RNLS: variants seen among roughly 807,000 people sequenced by gnomAD.
The protein encoded by RNLS is renalase, FAD dependent amine oxidase, also known as renalase.
In RNLS, 39 loss-of-function variants were observed where a neutral mutation model predicts 39.8. The ratio of observed to expected loss-of-function variants is 0.98; its 90% CI spans 0.76 to 1.28. The LOEUF (loss-of-function observed/expected upper bound fraction) is 1.28, where lower values mean the gene tolerates loss of function less well. RNLS is among the 50% of genes most tolerant of loss of function. RNLS has a pLI of 0.00. For missense variants in RNLS, 410 were observed against 413.3 expected (o/e 0.99, Z 0.07); for synonymous variants, 147 against 150.7 (o/e 0.98, Z 0.18).
At chr10:88,512,515 T>G (rs1043643592) in intron 4 of RNLS, among the ~76,000 whole-genome samples, 9 of 152,112 alleles carry the variant, frequency 5.9e-5, no homozygotes, top group African/African-American at 9.7e-5. Flanking sequence ...AAACTTGTCG[T>G]TTTTTTATGC....
chr10:88,309,296 A>G (rs1589515522), intron 6 of RNLS: 1 of 812,778 alleles, frequency 1.2e-6, no homozygotes. Flanking sequence ...TAAGGAAAAG[A>G]AAAAGAAAAT....
intron 5 of RNLS, among the ~76,000 whole-genome samples, chr10:88,348,433 G>T (rs181205841): frequency 7.6e-4 from 115 of 152,168 alleles, no homozygotes; most frequent in Non-Finnish European, 1.4e-3. Context: ...ACACATTTAG[G>T]CCTATCCACA....
intron 5 of RNLS, among the ~76,000 whole-genome samples, chr10:88,318,764 G>T (rs553720461): frequency 1.3e-5 from 2 of 152,322 alleles, no homozygotes; most frequent in East Asian, 3.9e-4. Context: ...TTTATGAACT[G>T]AAGGCTGGGA....
chr10:88,292,909 G>A (rs1843772602), intron 6 of RNLS, among the ~76,000 whole-genome samples: 1 of 151,976 alleles, frequency 6.6e-6, no homozygotes, highest in Admixed American at 6.6e-5. Context: ...AAATTAGCTG[G>A]GCGTGGTGGC....
In RNLS at chr10:88,349,757, G is replaced by A. The variant is rs906076673; in HGVS notation, c.700+12795C>T. ...GTATATAAGTACATATATACATTGT[G>A]TATATATATATATTTTTCTTCCTGA... is the stretch of plus-strand genomic sequence containing the variant. On this transcript the variant is annotated intron_variant, in intron 5 of 6. Coordinates refer to ENST00000331772, the MANE Select transcript of RNLS (RefSeq NM_001031709.3). 1.0e-3 allele frequency among the ~76,000 whole-genome samples: 156 copies of A among 151,016 alleles called. 2 individuals are homozygous for A. The highest frequency in any genetic ancestry group is 3.3e-3 in the African/African-American group (136 of 41,218).
chr10:88,334,870 T>A (rs1474274597), intron 5 of RNLS, among the ~76,000 whole-genome samples: 1 of 152,118 alleles, frequency 6.6e-6, no homozygotes, highest in Non-Finnish European at 1.5e-5. Flanking sequence ...TCCTCTGTAG[T>A]TCAAGTTCAT....
the RNLS span, among the ~76,000 whole-genome samples, chr10:88,213,509 GC>G: frequency 3.3e-5 from 5 of 152,034 alleles, no homozygotes; most frequent in African/African-American, 1.2e-4. Flanking sequence ...GTGGTCCCGT[GC>G]TTTTTCTGAT....
At chr10:88,563,252 A>T (rs1849291055) in intron 4 of RNLS, among the ~76,000 whole-genome samples, 2 of 152,202 alleles carry the variant, frequency 1.3e-5, no homozygotes, top group Admixed American at 1.3e-4. Flanking sequence ...AGCTAAGAAA[A>T]AACAGGACAA....
At chr10:88,332,223 T>C (rs1847171976) in intron 5 of RNLS, among the ~76,000 whole-genome samples, 1 of 152,248 alleles carries the variant, frequency 6.6e-6, no homozygotes, top group South Asian at 2.1e-4. Flanking sequence ...TCACCAAATA[T>C]GTCCTGGGCA....
intron 5 of RNLS, among the ~76,000 whole-genome samples, chr10:88,351,563 G>A (rs1848709545): frequency 6.6e-6 from 1 of 152,102 alleles, no homozygotes; most frequent in African/African-American, 2.4e-5. Context: ...TATTTCTGAG[G>A]GCTCTGTTCT....
the RNLS span, among the ~76,000 whole-genome samples, chr10:88,262,181 T>C: frequency 6.6e-6 from 1 of 152,090 alleles, no homozygotes; most frequent in African/African-American, 2.4e-5. Context: ...ATCTATGCCA[T>C]AGACAGGAAT....
At chr10:88,465,570 C>T (rs1446232136) in intron 4 of RNLS, among the ~76,000 whole-genome samples, 1 of 151,988 alleles carries the variant, frequency 6.6e-6, no homozygotes, top group Non-Finnish European at 1.5e-5. Context: ...GGGGGATGGT[C>T]AGGCATTATT....
At position 88,285,138 on chromosome 10, in the gene RNLS, G is replaced by A; in HGVS notation, c.*216C>T. Reference sequence around the variant, plus strand: ...GGAGTAGTCATAGCAATTCAGAAAAGTAGGGAAGGTGCAAGGTGTGAGGAA... The same window carrying A: ...GGAGTAGTCATAGCAATTCAGAAAAATAGGGAAGGTGCAAGGTGTGAGGAA... On this transcript the variant is annotated 3_prime_UTR_variant, in exon 7 of 7. Coordinates refer to ENST00000331772, the MANE Select transcript of RNLS (RefSeq NM_001031709.3). 1 of 1,055,490 alleles carries A rather than the reference G, an allele frequency of 9.5e-7. No individual in the cohort carries two copies. 65.4% of individuals were successfully genotyped at this position (1,055,490 alleles called of 1,614,324 possible). A position where few individuals can be genotyped will look rare whatever the true frequency, so the allele number is the denominator to read the frequency against.
At chr10:88,217,215 C>T in the RNLS span, among the ~76,000 whole-genome samples, 1 of 152,156 alleles carries the variant, frequency 6.6e-6, no homozygotes, top group Non-Finnish European at 1.5e-5. Flanking sequence ...CCTGCTGTTA[C>T]TAGTGACTAG....
chr10:88,193,462 C>T, the RNLS span, among the ~76,000 whole-genome samples: 5 of 152,116 alleles, frequency 3.3e-5, no homozygotes, highest in Admixed American at 2.6e-4. Context: ...TTCCTCTTCA[C>T]TCATCTGGGA....
intron 4 of RNLS, among the ~76,000 whole-genome samples, chr10:88,440,930 A>C (rs1841675408): frequency 6.6e-6 from 1 of 152,224 alleles, no homozygotes; most frequent in African/African-American, 2.4e-5. Flanking sequence ...GGAGAAAGAA[A>C]GAATGGAAGG....
intron 4 of RNLS, among the ~76,000 whole-genome samples, chr10:88,560,082 T>G (rs1473649137): frequency 6.6e-6 from 1 of 152,120 alleles, no homozygotes; most frequent in East Asian, 1.9e-4. Flanking sequence ...TTGTGTTGGT[T>G]ACATTATAAT....
At chr10:88,243,761 T>C in the RNLS span, among the ~76,000 whole-genome samples, 2 of 152,232 alleles carry the variant, frequency 1.3e-5, no homozygotes, top group African/African-American at 4.8e-5. Context: ...CACTTCACTT[T>C]GCTGTTGGAA....
chr10:88,409,621 G>A (rs1377431595), intron 4 of RNLS, among the ~76,000 whole-genome samples: 2 of 152,004 alleles, frequency 1.3e-5, no homozygotes, highest in African/African-American at 2.4e-5. Flanking sequence ...ATAAAATAGT[G>A]GAGCCAAATA....
Sources: allele counts gnomAD v4.1 joint callset (sites outside exome capture counted in the v4.1 genomes callset), GRCh38; gene constraint gnomAD v4.1.1; transcripts MANE v1.5; gene names NCBI Gene and HGNC (gene_info 2026-07-23, HGNC 2026-07-21).